Variants in AGBL4 observed in about 807,000 individuals in gnomAD.
AGBL4 encodes the protein AGBL carboxypeptidase 4, also known as cytosolic carboxypeptidase 6.
AGBL4 carries 58 observed loss-of-function variants against 66.4 expected under a neutral mutation model. That is an observed-to-expected ratio of 0.87 (90% CI 0.71 to 1.09). The LOEUF (loss-of-function observed/expected upper bound fraction) is 1.09. Among genes scored for constraint, AGBL4 ranks in the 50% least tolerant of loss-of-function variants. The pLI, the probability that AGBL4 is intolerant of heterozygous loss-of-function variation, is 0.00. For synonymous variants in AGBL4, 234 were observed against 222.9 expected, an observed-to-expected ratio of 1.05 and a Z score of -0.44; for missense variants, 579 against 631.0, an observed-to-expected ratio of 0.92 and a Z score of 0.88.
chr1:48,652,984 C>T (rs1324362897), intron 8 of AGBL4, among the ~76,000 whole-genome samples: 1 of 152,142 alleles, frequency 6.6e-6, no homozygotes, highest in Non-Finnish European at 1.5e-5. Flanking sequence ...CTCACAACTG[C>T]CCTTTCAGGT....
chr1:48,659,656 C>A (rs896101226), intron 7 of AGBL4, among the ~76,000 whole-genome samples: 9 of 152,212 alleles, frequency 5.9e-5, no homozygotes, highest in African/African-American at 2.2e-4. Flanking sequence ...GTGAGCAGAG[C>A]TCAGCTAGTG....
At chr1:49,955,018 G>T (rs937203580) in intron 1 of AGBL4, among the ~76,000 whole-genome samples, 1 of 151,696 alleles carries the variant, frequency 6.6e-6, no homozygotes, top group Non-Finnish European at 1.5e-5. Flanking sequence ...TCTTATATTT[G>T]ATTATTAGAT....
chr1:49,897,374 T>C (rs973335523), intron 1 of AGBL4, among the ~76,000 whole-genome samples: 2 of 151,828 alleles, frequency 1.3e-5, no homozygotes, highest in South Asian at 2.1e-4. Context: ...AATAAAATTA[T>C]ATACGTCAGA....
chr1:49,832,684 C>T (rs1645725308), intron 2 of AGBL4, among the ~76,000 whole-genome samples: 1 of 151,512 alleles, frequency 6.6e-6, no homozygotes, highest in Admixed American at 6.6e-5. Flanking sequence ...TTAATGATTG[C>T]CATTCTAACT....
chr1:49,901,415 CA>C (rs1649757414), intron 1 of AGBL4, among the ~76,000 whole-genome samples: 1 of 151,974 alleles, frequency 6.6e-6, no homozygotes. Context: ...AGCTGAAAGC[CA>C]AATGAGGAAT....
chr1:49,031,008 T>A (rs1049644888), intron 5 of AGBL4, among the ~76,000 whole-genome samples: 14 of 118,218 alleles, frequency 1.2e-4, no homozygotes, highest in Non-Finnish European at 2.9e-4. Flanking sequence ...CAGAAATAAA[T>A]CTTGGTGGTC....
intron 4 of AGBL4, among the ~76,000 whole-genome samples, chr1:49,151,807 C>T (rs1646341547): frequency 6.6e-6 from 1 of 152,078 alleles, no homozygotes; most frequent in Non-Finnish European, 1.5e-5. Context: ...TATTTTTAAT[C>T]CAGTACTTCT....
chr1:49,865,131 A>G (rs1646669890), intron 1 of AGBL4, among the ~76,000 whole-genome samples: 1 of 152,106 alleles, frequency 6.6e-6, no homozygotes, highest in Admixed American at 6.5e-5. Context: ...CACTAAGGAG[A>G]GGGGCAACCA....
At chr1:49,657,221 A>T (rs971375543) in intron 3 of AGBL4, among the ~76,000 whole-genome samples, 50 of 152,306 alleles carry the variant, frequency 3.3e-4, no homozygotes, top group African/African-American at 1.2e-3. Flanking sequence ...TAACAGACAA[A>T]CAGAGAGCCA....
intron 1 of AGBL4, among the ~76,000 whole-genome samples, chr1:49,883,739 A>G (rs1647691335): frequency 6.6e-6 from 1 of 152,070 alleles, no homozygotes; most frequent in African/African-American, 2.4e-5. Flanking sequence ...TTACATTTAC[A>G]GTGTATTAAG....
chr1:49,652,071 G>A (rs960157790), intron 3 of AGBL4, among the ~76,000 whole-genome samples: 15 of 152,068 alleles, frequency 9.9e-5, no homozygotes, highest in African/African-American at 3.1e-4. Context: ...TTCAGCAATA[G>A]GCTAGACCAA....
chr1:49,743,078 G>T (rs1650667217), intron 2 of AGBL4, among the ~76,000 whole-genome samples: 1 of 152,126 alleles, frequency 6.6e-6, no homozygotes, highest in African/African-American at 2.4e-5. Context: ...AAGAGCTTCT[G>T]CACAGCAAAA....
At chr1:49,230,501 A>AT (rs1650230174) in intron 4 of AGBL4, among the ~76,000 whole-genome samples, 1 of 152,042 alleles carries the variant, frequency 6.6e-6, no homozygotes, top group Non-Finnish European at 1.5e-5. Context: ...TCCTCCCCAC[A>AT]TTTAGTGTCT....
intron 2 of AGBL4, among the ~76,000 whole-genome samples, chr1:49,725,237 C>G (rs1260007073): frequency 6.6e-5 from 10 of 152,148 alleles, no homozygotes; most frequent in Admixed American, 6.5e-4. Context: ...CTGAATTACT[C>G]TTTCCTATTC....
chr1:49,727,017 T>C (rs1441511377), intron 2 of AGBL4, among the ~76,000 whole-genome samples: 2 of 152,156 alleles, frequency 1.3e-5, no homozygotes. Context: ...TTACCCAAGT[T>C]ATCTCTTGAT....
intron 6 of AGBL4, among the ~76,000 whole-genome samples, chr1:48,767,286 T>C (rs899456450): frequency 6.6e-5 from 10 of 152,182 alleles, no homozygotes; most frequent in African/African-American, 2.2e-4. Flanking sequence ...AAAGAGATAG[T>C]GCATGTAAAA....
Position 49,045,623 on chromosome 1 carries a change from G to A in AGBL4, c.555C>T (p.Asn185=), listed in dbSNP as rs1193478411. 1.9e-6 allele frequency: 3 copies of A among 1,603,048 alleles called. No homozygotes were observed. The South Asian group carries it at 3.4e-5, about 18-fold the overall frequency. ...QHYLDSLQKR[N]MDYFFREQLG... ...GCTGCTCCCGAAAGAAGTAATCCAT[G>A]TTTCTCTTTTGCAGGCTGTCAAGGT... The change falls in exon 5 of 14, where the codon AAC becomes AAT. Residue 185 remains asparagine (N), a synonymous_variant. Coordinates refer to ENST00000371839, the MANE Select transcript of AGBL4 (RefSeq NM_032785.4).
Position 49,452,858 on chromosome 1 carries a change from G to GT in AGBL4, c.283-206995dup, listed in dbSNP as rs1480825750. ...AGAGTTTCCTGAGTGTCTTTTCTGT[G>GT]TGAGGCACTGTGCTGTGTGTGTGTA... is the stretch of plus-strand genomic sequence containing the variant. On this transcript the variant is annotated intron_variant, in intron 3 of 13. Transcript: ENST00000371839. 2.6e-5 allele frequency among the ~76,000 whole-genome samples: 4 copies of GT among 151,874 alleles called. 1 individual carries two copies. Among genetic ancestry groups the GT allele is most frequent in the Non-Finnish European group, 5.9e-5 (4 of 67,920 alleles).
intron 3 of AGBL4, among the ~76,000 whole-genome samples, chr1:49,547,935 G>A (rs1032770622): frequency 5.9e-5 from 9 of 152,074 alleles, no homozygotes; most frequent in Admixed American, 2.6e-4. Flanking sequence ...CACCATGCCC[G>A]GCTAGTTTTT....
Sources: gnomAD v4.1 joint callset for allele counts (sites outside exome capture counted in the v4.1 genomes callset) on GRCh38, gnomAD v4.1.1 for gene constraint, MANE v1.5 for transcripts, NCBI Gene and HGNC (gene_info 2026-07-23, HGNC 2026-07-21) for gene names.